Variants in ZNF609 observed in about 807,000 individuals in gnomAD.
ZNF609 encodes zinc finger protein 609.
A neutral mutation model predicts 109.5 loss-of-function variants in ZNF609; 11 were observed. The ratio of observed to expected loss-of-function variants is 0.10; its 90% CI spans 0.06 to 0.17. The LOEUF (loss-of-function observed/expected upper bound fraction) is 0.17. Ranked by LOEUF, ZNF609 falls within the 10% of genes least tolerant of loss-of-function variation. The pLI, the probability that ZNF609 is intolerant of heterozygous loss-of-function variation, is 1.00. For missense variants in ZNF609, 1,559 were observed against 1,772.4 expected, an observed-to-expected ratio of 0.88 and a Z score of 2.16; for synonymous variants, 646 against 662.0, an observed-to-expected ratio of 0.98 and a Z score of 0.37.
intron 1 of ZNF609, among the ~76,000 whole-genome samples, chr15:64,482,004 C>T (rs897663583): frequency 3.9e-5 from 6 of 152,142 alleles, no homozygotes; most frequent in South Asian, 4.2e-4. Flanking sequence ...AGGCTGGTCT[C>T]GAACTCCTGA....
chr15:64,664,159 C>T (rs1020979790), intron 3 of ZNF609, among the ~76,000 whole-genome samples: 5 of 152,034 alleles, frequency 3.3e-5, no homozygotes, highest in Admixed American at 6.6e-5. Flanking sequence ...GCCTGGGAGG[C>T]AGAGGCTGGA....
rs975940694 is a variant in ZNF609, at chr15:64,672,958, A to C, written c.1062-958A>C. On this transcript the variant is annotated intron_variant, in intron 4 of 9. Transcript: ENST00000326648. ...CAGCCTGGCGACAGAGCAAGACTCCATCTCAAAAAAAAAAAAAAAAAGAAT... is the reference window on the plus strand; with the variant it reads ...CAGCCTGGCGACAGAGCAAGACTCCCTCTCAAAAAAAAAAAAAAAAAGAAT... Among the ~76,000 whole-genome samples, 4 of 140,992 alleles carry C rather than the reference A, an allele frequency of 2.8e-5. No individual in the cohort carries two copies. The East Asian group carries it at 7.8e-4, about 28-fold the overall frequency. The allele number at this position is 140,992 out of a possible 152,430, so 92.5% of individuals were successfully genotyped here. A position where few individuals can be genotyped will look rare whatever the true frequency, so the allele number is the denominator to read the frequency against.
intron 2 of ZNF609, among the ~76,000 whole-genome samples, chr15:64,618,561 G>C (rs554250886): frequency 6.6e-6 from 1 of 152,204 alleles, no homozygotes; most frequent in African/African-American, 2.4e-5. Context: ...ATGTGGGCTT[G>C]GAGAATGAGT....
intron 5 of ZNF609, 60 bp downstream of exon 5, chr15:64,676,316 A>AT: frequency 2.0e-6 from 3 of 1,497,276 alleles, no homozygotes; most frequent in Non-Finnish European, 1.8e-6. Flanking sequence ...TCTTCCTCAC[A>AT]AATAAGGGCT....
At chr15:64,627,663 C>CTTTTTTTTTTT (rs35293725) in intron 3 of ZNF609, among the ~76,000 whole-genome samples, 12 of 86,014 alleles carry the variant, frequency 1.4e-4, no homozygotes, top group African/African-American at 1.3e-4. Context: ...TTTTTTCTTT[C>CTTTTTTTTTTT]TTTTTTTTTT....
chr15:64,515,275 T>G (rs951321475), intron 2 of ZNF609, among the ~76,000 whole-genome samples: 1 of 152,206 alleles, frequency 6.6e-6, no homozygotes, highest in African/African-American at 2.4e-5. Context: ...TATACCTTAT[T>G]CGAAGGCTTG....
At chr15:64,487,307 T>A (rs1200695313) in intron 1 of ZNF609, among the ~76,000 whole-genome samples, 1 of 152,212 alleles carries the variant, frequency 6.6e-6, no homozygotes, top group African/African-American at 2.4e-5. Context: ...TCCCTTTACA[T>A]ATAATACTGC....
intron 1 of ZNF609, among the ~76,000 whole-genome samples, chr15:64,476,138 A>G (rs1893166487): frequency 6.6e-6 from 1 of 152,094 alleles, no homozygotes; most frequent in Non-Finnish European, 1.5e-5. Flanking sequence ...CAGGAACCAA[A>G]TTGGTTCTGC....
chr15:64,465,990 C>T (rs1320575710), intron 1 of ZNF609, among the ~76,000 whole-genome samples: 1 of 151,644 alleles, frequency 6.6e-6, no homozygotes, highest in African/African-American at 2.4e-5. Flanking sequence ...GTGGTGCACT[C>T]CTGTAATTCC....
chr15:64,588,426 T>TAAAAA (rs1167575851), intron 2 of ZNF609, among the ~76,000 whole-genome samples: 1 of 5,904 alleles, frequency 1.7e-4, no homozygotes, highest in Non-Finnish European at 4.4e-4. Context: ...ACACTCTGTC[T>TAAAAA]AAAAAAAAAA....
intron 1 of ZNF609, among the ~76,000 whole-genome samples, chr15:64,492,131 T>C (rs2140345223): frequency 6.6e-6 from 1 of 151,898 alleles, no homozygotes; most frequent in South Asian, 2.1e-4. Context: ...TAATCCCAGC[T>C]ACTTGGGAGG....
chr15:64,474,561 C>T (rs1233887973), intron 1 of ZNF609, among the ~76,000 whole-genome samples: 2 of 152,026 alleles, frequency 1.3e-5, no homozygotes, highest in African/African-American at 4.8e-5. Flanking sequence ...ATTGCAATAA[C>T]CTCATGGTTA....
Position 64,499,620 on chromosome 15 carries a change from A to G in ZNF609, c.201A>G (p.Thr67=), listed in dbSNP as rs200319612. The stretch of plus-strand genomic sequence containing the variant: ...TACCGGCTCCCAATGCTGTGGCCAC[A>G]CTACCAGACAACATCAAGTTTGTGA... ...VGIPAPNAVA[T]LPDNIKFVTP... Residue 67 remains threonine (T), a synonymous_variant, in exon 2 of 10, where the codon ACA becomes ACG. Coordinates refer to ENST00000326648, the MANE Select transcript of ZNF609 (RefSeq NM_015042.2). 6.2e-7 allele frequency: 1 copy of G among 1,614,196 alleles called. No homozygotes were observed. The highest frequency in any genetic ancestry group is 2.2e-5 in the East Asian group (1 of 44,890).
At chr15:64,500,718 A>G in intron 2 of ZNF609, 1 of 401,708 alleles carries the variant, frequency 2.5e-6, no homozygotes, top group East Asian at 4.9e-5. Flanking sequence ...TTTTGAGGGC[A>G]AGAGGTACTC....
At chr15:64,591,602 G>A (rs1895298632) in intron 2 of ZNF609, among the ~76,000 whole-genome samples, 1 of 152,040 alleles carries the variant, frequency 6.6e-6, no homozygotes, top group Non-Finnish European at 1.5e-5. Flanking sequence ...CTCTCAGCCA[G>A]GCATGGTGGC....
At chr15:64,656,892 A>G (rs940912022) in intron 3 of ZNF609, among the ~76,000 whole-genome samples, 2 of 151,834 alleles carry the variant, frequency 1.3e-5, no homozygotes, top group Admixed American at 6.6e-5. Context: ...TTAGAACACA[A>G]CTTTCCATTC....
chr15:64,464,309 G>A (rs1293971683), intron 1 of ZNF609, among the ~76,000 whole-genome samples: 1 of 152,174 alleles, frequency 6.6e-6, no homozygotes, highest in African/African-American at 2.4e-5. Context: ...AGCCATGGAG[G>A]CTAAGTATAG....
chr15:64,497,693 A>G (rs1893500661), intron 1 of ZNF609, among the ~76,000 whole-genome samples: 1 of 152,074 alleles, frequency 6.6e-6, no homozygotes, highest in African/African-American at 2.4e-5. Flanking sequence ...CATGAGGTCC[A>G]GGAGGTTGAG....
In ZNF609 at chr15:64,592,237, C is replaced by A. The variant is rs181373057; in HGVS notation, c.748-30590C>A. On this transcript the variant is annotated intron_variant, in intron 2 of 9. Transcript: ENST00000326648. The stretch of plus-strand genomic sequence containing the variant: ...TGAAAATTAGGACAACCTAAATATC[C>A]ATCTATAGTTAATTGGTTAAATGAA... 2.9e-3 allele frequency among the ~76,000 whole-genome samples: 447 copies of A among 152,138 alleles called. 1 individual carries two copies. The highest frequency in any genetic ancestry group is 5.0e-3 in the Non-Finnish European group (337 of 67,998).
Sources: gnomAD v4.1 joint callset for allele counts (sites outside exome capture counted in the v4.1 genomes callset) on GRCh38, gnomAD v4.1.1 for gene constraint, MANE v1.5 for transcripts, NCBI Gene and HGNC (gene_info 2026-07-23, HGNC 2026-07-21) for gene names.